Variants in WWOX observed in about 807,000 individuals in gnomAD.
WWOX encodes the protein WW domain containing oxidoreductase, also known as WW domain-containing oxidoreductase.
Under a neutral mutation model 46.2 loss-of-function variants are expected in WWOX, and 69 were observed. That is an observed-to-expected ratio of 1.49 (90% CI 1.23 to 1.82). The LOEUF is 1.82. WWOX is among the 40% of genes most tolerant of loss of function. The pLI is 0.00. For synonymous variants in WWOX, 359 were observed against 202.6 expected, an observed-to-expected ratio of 1.77 and a Z score of -6.56; for missense variants, 919 against 542.6, an observed-to-expected ratio of 1.69 and a Z score of -6.89.
rs1376825950 is a variant in WWOX at position 78,755,196 on chromosome 16, C to T, written c.1056+322444C>T. 3.4e-5 allele frequency among the ~76,000 whole-genome samples: 5 copies of T among 148,608 alleles called. No individual in the cohort carries two copies. In the East Asian group the frequency reaches 7.8e-4, roughly 23 times the overall value. On this transcript the variant is annotated intron_variant, in intron 8 of 8. Transcript: ENST00000566780. ...AAGGCTGCATGTTCTGCACATGTAT[C>T]CCAGAACTTAAAGTGAAAGGAAAAA...
intron 8 of WWOX, among the ~76,000 whole-genome samples, chr16:78,822,887 C>T (rs986379046): frequency 6.8e-6 from 1 of 146,394 alleles, no homozygotes; most frequent in African/African-American, 2.5e-5. Context: ...AGATTCCTAG[C>T]AAGAAACATC....
chr16:78,958,095 A>G (rs2046204446), intron 8 of WWOX, among the ~76,000 whole-genome samples: 3 of 152,126 alleles, frequency 2.0e-5, no homozygotes, highest in Admixed American at 1.3e-4. Context: ...CTGAGCCTTC[A>G]TATTCTCCGA....
chr16:78,504,657 C>T (rs745606139), intron 8 of WWOX, among the ~76,000 whole-genome samples: 1 of 152,140 alleles, frequency 6.6e-6, no homozygotes, highest in African/African-American at 2.4e-5. Context: ...CTCGGTTTAT[C>T]CTGAACACAT....
intron 8 of WWOX, among the ~76,000 whole-genome samples, chr16:78,848,397 T>C (rs961587071): frequency 7.2e-5 from 11 of 152,198 alleles, no homozygotes; most frequent in Admixed American, 7.2e-4. Flanking sequence ...GCTTTTGGAC[T>C]AGACCAGCAC....
At chr16:78,578,622 C>G (rs536249298) in intron 8 of WWOX, among the ~76,000 whole-genome samples, 1 of 151,986 alleles carries the variant, frequency 6.6e-6, no homozygotes, top group Non-Finnish European at 1.5e-5. Context: ...CATACACACA[C>G]GCACACACCA....
At chr16:78,715,328 C>A (rs1356592560) in intron 8 of WWOX, among the ~76,000 whole-genome samples, 1 of 152,134 alleles carries the variant, frequency 6.6e-6, no homozygotes, top group East Asian at 1.9e-4. Flanking sequence ...AGCAACTGCA[C>A]ATTTGTCAAA....
At chr16:78,421,386 A>G (rs888383149) in intron 6 of WWOX, among the ~76,000 whole-genome samples, 6 of 149,982 alleles carry the variant, frequency 4.0e-5, no homozygotes, top group African/African-American at 9.8e-5. Flanking sequence ...CTGTCTTTCC[A>G]TCTCCTTCTC....
intron 8 of WWOX, among the ~76,000 whole-genome samples, chr16:78,914,016 C>A (rs923422435): frequency 6.6e-6 from 1 of 151,938 alleles, no homozygotes; most frequent in Non-Finnish European, 1.5e-5. Flanking sequence ...TATTATTGGT[C>A]CATCTGAGGA....
intron 8 of WWOX, among the ~76,000 whole-genome samples, chr16:78,461,283 T>C (rs1485152265): frequency 2.0e-5 from 3 of 152,164 alleles, no homozygotes; most frequent in African/African-American, 7.2e-5. Flanking sequence ...CCTCCCAGCA[T>C]TCTGAGTCAT....
intron 1 of WWOX, 96 bp downstream of exon 1, chr16:78,099,981 C>T (rs1164819456): frequency 1.3e-6 from 2 of 1,516,020 alleles, no homozygotes; most frequent in Non-Finnish European, 1.8e-6. Context: ...CAGCGCAGCG[C>T]GTGCGGTGCA....
intron 8 of WWOX, among the ~76,000 whole-genome samples, chr16:78,801,295 A>G (rs2142653754): frequency 6.6e-6 from 1 of 152,266 alleles, no homozygotes; most frequent in Middle Eastern, 3.4e-3. Flanking sequence ...AGATCCCCTG[A>G]GGTTGGGAGT....
chr16:79,122,361 G>T (rs114678043), intron 8 of WWOX, among the ~76,000 whole-genome samples: 1,525 of 152,300 alleles, frequency 0.01, 27 homozygotes, highest in African/African-American at 0.034. Flanking sequence ...GAACAATAGC[G>T]CTTCTAAAAG....
At chr16:78,144,450 C>CATATATATATATAT (rs1555543045) in intron 4 of WWOX, among the ~76,000 whole-genome samples, 3 of 24,926 alleles carry the variant, frequency 1.2e-4, no homozygotes, top group Non-Finnish European at 2.3e-4. Context: ...TATATATACA[C>CATATATATATATAT]ATATATATAT....
chr16:79,072,831 A>G (rs936861721), intron 8 of WWOX, among the ~76,000 whole-genome samples: 1 of 152,100 alleles, frequency 6.6e-6, no homozygotes, highest in African/African-American at 2.4e-5. Context: ...CTTATTTTCA[A>G]ATGCATGTCT....
rs558042628 is a variant in WWOX, at chr16:78,647,267, T to C, written c.1056+214515T>C. The stretch of plus-strand genomic sequence containing the variant: ...GGGCAGGGCTGTTTCCCCAAGGAAA[T>C]CCAAATGCTTTACAGGAAGGGGAGT... On this transcript the variant is annotated intron_variant, in intron 8 of 8. Coordinates refer to ENST00000566780, the MANE Select transcript of WWOX (RefSeq NM_016373.4). Among the ~76,000 whole-genome samples, 4 of 152,178 alleles carry C rather than the reference T, an allele frequency of 2.6e-5. No individual in the cohort carries two copies. In the East Asian group the frequency reaches 7.7e-4, roughly 29 times the overall value.
At chr16:78,381,226 T>C (rs1489082042) in intron 5 of WWOX, among the ~76,000 whole-genome samples, 3 of 152,214 alleles carry the variant, frequency 2.0e-5, no homozygotes, top group African/African-American at 7.2e-5. Flanking sequence ...GGCTAATTTA[T>C]AGTCATAAAA....
chr16:78,763,745 T>G (rs1185348493), intron 8 of WWOX, among the ~76,000 whole-genome samples: 1 of 152,212 alleles, frequency 6.6e-6, no homozygotes, highest in Non-Finnish European at 1.5e-5. Flanking sequence ...TCCTTTTGAT[T>G]CTTCTTTTCA....
intron 8 of WWOX, among the ~76,000 whole-genome samples, chr16:79,015,724 C>G (rs926537738): frequency 2.0e-5 from 3 of 152,258 alleles, no homozygotes; most frequent in African/African-American, 7.2e-5. Flanking sequence ...GCTGTTTCGT[C>G]TCTGATCCTG....
chr16:78,437,449 C>G (rs1296406288), intron 8 of WWOX, among the ~76,000 whole-genome samples: 2 of 152,154 alleles, frequency 1.3e-5, no homozygotes, highest in South Asian at 2.1e-4. Context: ...AATGCATTAT[C>G]ACTTTGAAAT....
Sources: allele counts gnomAD v4.1 joint callset (sites outside exome capture counted in the v4.1 genomes callset), GRCh38; gene constraint gnomAD v4.1.1; transcripts MANE v1.5; gene names NCBI Gene and HGNC (gene_info 2026-07-23, HGNC 2026-07-21).